SERINC5: variants seen among roughly 807,000 people sequenced by gnomAD.
The protein encoded by SERINC5 is chromosome 5 open reading frame 12.
Under a neutral mutation model 63.1 loss-of-function variants are expected in SERINC5, and 41 were observed. The observed-to-expected ratio is 0.65, with a 90% CI of 0.51 to 0.84. The LOEUF (loss-of-function observed/expected upper bound fraction) is 0.84. Among genes scored for constraint, SERINC5 ranks in the 40% least tolerant of loss-of-function variants. The pLI, the probability that SERINC5 is intolerant of heterozygous loss-of-function variation, is 0.00. For missense variants in SERINC5, 523 were observed against 573.0 expected (o/e 0.91, Z 0.89); for synonymous variants, 222 against 215.2 (o/e 1.03, Z -0.28).
intron 8 of SERINC5, among the ~76,000 whole-genome samples, chr5:80,153,996 C>A (rs573158563): frequency 6.6e-6 from 1 of 152,224 alleles, no homozygotes; most frequent in Non-Finnish European, 1.5e-5. Flanking sequence ...CCAAACTTTC[C>A]TGGAGATCAC....
Position 80,130,961 on chromosome 5 carries a change from T to C in SERINC5, c.1238+15129A>G, listed in dbSNP as rs534081478. On this transcript the variant is annotated intron_variant, in intron 11 of 12. Coordinates refer to the SERINC5 transcript ENST00000509193. ...GTTGGCTGGATGGTGATAAGTACTATAGAAAACAATAAAGCAGTAAAGTAG... is the reference window on the plus strand; with the variant it reads ...GTTGGCTGGATGGTGATAAGTACTACAGAAAACAATAAAGCAGTAAAGTAG... 1.1e-4 allele frequency among the ~76,000 whole-genome samples: 16 copies of C among 152,316 alleles called. No individual in the cohort carries two copies. In the East Asian group the frequency reaches 2.3e-3, roughly 22 times the overall value.
chr5:80,188,277 C>CT (rs1561408473), intron 2 of SERINC5, among the ~76,000 whole-genome samples: 3 of 111,198 alleles, frequency 2.7e-5, no homozygotes, highest in Non-Finnish European at 5.4e-5. Context: ...AGCAAGACTC[C>CT]GTCTCAAAAA....
At chr5:80,177,766 A>G in intron 3 of SERINC5, 120 bp downstream of exon 3, 2 of 808,944 alleles carry the variant, frequency 2.5e-6, no homozygotes, top group Non-Finnish European at 3.8e-6. Flanking sequence ...CTTCCCCTAA[A>G]TCAACAATTT....
In SERINC5 at chr5:80,140,273, C is replaced by T. The variant is rs895514244; in HGVS notation, c.*3390G>A. On this transcript the variant is annotated 3_prime_UTR_variant, in exon 12 of 12. Coordinates refer to ENST00000507668, the MANE Select transcript of SERINC5 (RefSeq NM_001174072.3). ...CATGAGTCAAGATCATGTCACTGCA[C>T]TCCAGCGTGGCTGACAGAGTGAGCC... is the stretch of plus-strand genomic sequence containing the variant. The T allele has an allele frequency of 1.1e-6, 1 of 926,032 alleles. No individual in the cohort carries two copies. The highest frequency in any genetic ancestry group is 2.1e-5 in the African/African-American group (1 of 46,926). The allele number at this position is 926,032 out of a possible 1,614,324, so 57.4% of individuals were successfully genotyped here. A position where few individuals can be genotyped will look rare whatever the true frequency, so the allele number is the denominator to read the frequency against.
At chr5:80,116,324 C>T (rs1386989412) in intron 11 of SERINC5, 2 of 456,158 alleles carry the variant, frequency 4.4e-6, no homozygotes, top group Non-Finnish European at 8.8e-6. Context: ...TTGATAGTTT[C>T]TGGGAACAAA....
chr5:80,238,926 CCACT>C (rs1751830050), intron 1 of SERINC5, among the ~76,000 whole-genome samples: 1 of 152,168 alleles, frequency 6.6e-6, no homozygotes, highest in East Asian at 1.9e-4. Context: ...AGCCCAACAT[CCACT>C]CATTCACGCT....
chr5:80,168,352 A>AGG (rs1190016138), intron 6 of SERINC5, among the ~76,000 whole-genome samples: 13 of 151,974 alleles, frequency 8.6e-5, no homozygotes, highest in Non-Finnish European at 1.3e-4. Flanking sequence ...GTGTCCCACC[A>AGG]TGGCTGGCTA....
At chr5:80,224,945 G>GTTTTTTTTTT (rs368546307) in intron 1 of SERINC5, among the ~76,000 whole-genome samples, 1 of 132,596 alleles carries the variant, frequency 7.5e-6, no homozygotes, top group Non-Finnish European at 1.7e-5. Context: ...GTTTTTTTTT[G>GTTTTTTTTTT]TTTTTTTTTT....
chr5:80,202,768 A>T (rs1749921004), intron 2 of SERINC5, 118 bp downstream of exon 2: 1 of 968,928 alleles, frequency 1.0e-6, no homozygotes. Flanking sequence ...GGTTCAAGGA[A>T]ACCAGGTATA....
At chr5:80,130,630 T>C (rs1180955698) in intron 11 of SERINC5, among the ~76,000 whole-genome samples, 1 of 152,236 alleles carries the variant, frequency 6.6e-6, no homozygotes, top group Non-Finnish European at 1.5e-5. Flanking sequence ...TCATCCACTA[T>C]CTACCTAAGT....
At chr5:80,217,785 A>G (rs911248492) in intron 1 of SERINC5, among the ~76,000 whole-genome samples, 3 of 152,132 alleles carry the variant, frequency 2.0e-5, no homozygotes, top group Non-Finnish European at 2.9e-5. Context: ...AATTCAACCT[A>G]AACAGGGCTA....
At chr5:80,230,457 A>AG (rs1442494183) in intron 1 of SERINC5, among the ~76,000 whole-genome samples, 1 of 148,980 alleles carries the variant, frequency 6.7e-6, no homozygotes, top group Non-Finnish European at 1.5e-5. Context: ...AAAAAAAAAA[A>AG]AAAAAGAAAC....
intron 1 of SERINC5, among the ~76,000 whole-genome samples, chr5:80,221,049 C>A (rs1311846272): frequency 6.6e-6 from 1 of 152,114 alleles, no homozygotes; most frequent in East Asian, 1.9e-4. Context: ...TGCCTCACTG[C>A]AAGAGCAGAG....
At chr5:80,122,197 G>GTATATATATGTA (rs71601556) in intron 11 of SERINC5, among the ~76,000 whole-genome samples, 2 of 116,732 alleles carry the variant, frequency 1.7e-5, no homozygotes, top group African/African-American at 7.9e-5. Flanking sequence ...AGAACTAATA[G>GTATATATATGTA]TATATATATA....
In SERINC5 at chr5:80,142,703, A is replaced by T. The variant is rs1745583815; in HGVS notation, c.*960T>A. ...TTCAAAGGCCTCAAGGTGGAGAAAA[A>T]ACTGAGGGGCTGACCTCAACAACTG... On this transcript the variant is annotated 3_prime_UTR_variant, in exon 12 of 12. Transcript: ENST00000507668. The T allele has an allele frequency of 5.1e-6, 5 of 985,404 alleles. No individual in the cohort carries two copies. The highest frequency in any genetic ancestry group is 6.0e-6 in the Non-Finnish European group (5 of 829,958). 61.0% of individuals were successfully genotyped at this position (985,404 alleles called of 1,614,324 possible).
At chr5:80,117,915 T>C (rs1308213582) in intron 11 of SERINC5, among the ~76,000 whole-genome samples, 1 of 151,866 alleles carries the variant, frequency 6.6e-6, no homozygotes, top group Non-Finnish European at 1.5e-5. Flanking sequence ...ATAAAAACAC[T>C]TGTCATGCCA....
intron 1 of SERINC5, among the ~76,000 whole-genome samples, chr5:80,227,567 C>A (rs920760431): frequency 6.6e-6 from 1 of 150,406 alleles, no homozygotes. Context: ...TTGAGACCAG[C>A]CTGGACAACA....
At chr5:80,167,602 C>T (rs1747386485) in intron 6 of SERINC5, among the ~76,000 whole-genome samples, 1 of 152,120 alleles carries the variant, frequency 6.6e-6, no homozygotes, top group African/African-American at 2.4e-5. Context: ...GATTGCTGGA[C>T]CTAATGATAG....
chr5:80,148,859 G>C (rs924763036), intron 9 of SERINC5, among the ~76,000 whole-genome samples: 2 of 152,158 alleles, frequency 1.3e-5, no homozygotes, highest in African/African-American at 4.8e-5. Flanking sequence ...TCAAGGCCAA[G>C]CCCTTGTTTC....
Sources: gnomAD v4.1 joint callset for allele counts (sites outside exome capture counted in the v4.1 genomes callset) on GRCh38, gnomAD v4.1.1 for gene constraint, MANE v1.5 for transcripts, NCBI Gene and HGNC (gene_info 2026-07-23, HGNC 2026-07-21) for gene names.